The following SHANK2 variants were observed in gnomAD, a reference collection of about 807,000 sequenced individuals.
SHANK2 encodes the protein SH3 and multiple ankyrin repeat domains 2, also known as SH3 and multiple ankyrin repeat domains protein 2.
SHANK2 carries 43 observed loss-of-function variants against 133.7 expected under a neutral mutation model. The observed-to-expected ratio is 0.32, with a 90% CI of 0.25 to 0.41. The LOEUF (loss-of-function observed/expected upper bound fraction) is 0.41. Ranked by LOEUF, SHANK2 falls within the 10% of genes least tolerant of loss-of-function variation. SHANK2 has a pLI of 1.00. For missense variants in SHANK2, 1,994 were observed against 2,235.8 expected, an observed-to-expected ratio of 0.89 and a Z score of 2.18; for synonymous variants, 1,017 against 952.8, an observed-to-expected ratio of 1.07 and a Z score of -1.24.
intron 1 of SHANK2, among the ~76,000 whole-genome samples, chr11:71,241,940 T>C (rs1323066045): frequency 8.5e-5 from 13 of 152,158 alleles, no homozygotes; most frequent in Admixed American, 3.3e-4. Context: ...TGCACAACCA[T>C]GTTCGCAGTA....
At chr11:70,636,503 G>A (rs1411075620) in intron 17 of SHANK2, among the ~76,000 whole-genome samples, 5 of 151,738 alleles carry the variant, frequency 3.3e-5, no homozygotes, top group Non-Finnish European at 2.9e-5. Context: ...ACATATGTAC[G>A]AGGATGCATG....
intron 8 of SHANK2, among the ~76,000 whole-genome samples, chr11:71,088,099 T>C (rs1285837645): frequency 2.0e-5 from 3 of 152,126 alleles, no homozygotes; most frequent in Non-Finnish European, 2.9e-5. Flanking sequence ...ATAATGTGGG[T>C]GGGCCCCATC....
At chr11:70,567,483 C>T (rs992148017) in intron 17 of SHANK2, among the ~76,000 whole-genome samples, 5 of 151,970 alleles carry the variant, frequency 3.3e-5, no homozygotes, top group East Asian at 1.9e-4. Flanking sequence ...AAAAATTAGC[C>T]GGGTGTGGTG....
intron 17 of SHANK2, among the ~76,000 whole-genome samples, chr11:70,648,706 C>G (rs138812882): frequency 2.0e-5 from 3 of 152,238 alleles, no homozygotes; most frequent in African/African-American, 7.2e-5. Flanking sequence ...TAAATGAATC[C>G]ACCCCTCCAC....
intron 7 of SHANK2, among the ~76,000 whole-genome samples, chr11:71,093,515 G>A (rs781874895): frequency 6.6e-6 from 1 of 152,070 alleles, no homozygotes; most frequent in African/African-American, 2.4e-5. Context: ...ACTCAGTGCT[G>A]CTTTCGTGAT....
chr11:70,685,204 A>C (rs991172392), intron 15 of SHANK2, among the ~76,000 whole-genome samples: 2 of 151,920 alleles, frequency 1.3e-5, no homozygotes, highest in Admixed American at 1.3e-4. Flanking sequence ...GGAAAGAAAA[A>C]AGCTCCCAAC....
intron 14 of SHANK2, among the ~76,000 whole-genome samples, chr11:70,715,690 A>T (rs1555027089): frequency 6.6e-6 from 1 of 152,240 alleles, no homozygotes; most frequent in Non-Finnish European, 1.5e-5. Flanking sequence ...ATTAGAGTAA[A>T]TGGATGAATC....
At chr11:71,157,173 C>T (rs1268122299) in intron 2 of SHANK2, among the ~76,000 whole-genome samples, 4 of 152,174 alleles carry the variant, frequency 2.6e-5, no homozygotes, top group Non-Finnish European at 5.9e-5. Flanking sequence ...AGGAACTCTG[C>T]AATGGTTCTC....
intron 8 of SHANK2, among the ~76,000 whole-genome samples, chr11:71,085,896 ATATTAATT>A (rs1951394255): frequency 6.1e-5 from 2 of 33,026 alleles, no homozygotes; most frequent in Admixed American, 6.7e-4. Context: ...CTTAATATAT[ATATTAATT>A]ATATATTAAT....
At chr11:70,666,028 C>T (rs1555014776) in intron 15 of SHANK2, among the ~76,000 whole-genome samples, 1 of 152,082 alleles carries the variant, frequency 6.6e-6, no homozygotes, top group Non-Finnish European at 1.5e-5. Flanking sequence ...AGAGGGGATG[C>T]AAAATGGGTA....
chr11:71,170,267 G>C (rs35520306), intron 2 of SHANK2, among the ~76,000 whole-genome samples: 15,866 of 152,064 alleles, frequency 0.1, 1,059 homozygotes, highest in Non-Finnish European at 0.14. Flanking sequence ...ACTCTCAATG[G>C]AACACAGATT....
At chr11:70,898,178 G>A (rs1344705451) in intron 10 of SHANK2, among the ~76,000 whole-genome samples, 2 of 150,656 alleles carry the variant, frequency 1.3e-5, no homozygotes, top group South Asian at 2.1e-4. Flanking sequence ...CACCATGTTG[G>A]CCAGGATGGT....
intron 11 of SHANK2, chr11:70,864,054 C>A (rs1008849563): frequency 5.8e-6 from 2 of 343,088 alleles, no homozygotes; most frequent in African/African-American, 2.2e-5. Flanking sequence ...ACGACCTGGG[C>A]ACCTTGCAAG....
rs782574580 is a variant in SHANK2 at position 71,147,266 on chromosome 11, C to T, written c.61G>A (p.Val21Met). ...EMAQSFSDYS[V>M]GSESDSSKEE... is the part of the protein sequence containing the mutation. ...TTGGAGCTGTCTGACTCCGACCCCA[C>T]GGAGTAGTCGGAGAAGCTCTGGGCC... is the stretch of plus-strand genomic sequence containing the variant. The change falls in exon 3 of 26, where the codon GTG becomes ATG. Residue 21 changes from valine (V) to methionine (M), a missense_variant. Physicochemically the swap from Val to Met is conservative, Grantham distance 21. Transcript: ENST00000601538. 29 of 1,550,860 alleles carry T rather than the reference C, an allele frequency of 1.9e-5. No individual in the cohort carries two copies. The highest frequency in any genetic ancestry group is 4.1e-5 in the African/African-American group (3 of 73,056).
At chr11:70,801,332 A>G (rs1948040926) in intron 13 of SHANK2, among the ~76,000 whole-genome samples, 1 of 152,200 alleles carries the variant, frequency 6.6e-6, no homozygotes, top group Non-Finnish European at 1.5e-5. Flanking sequence ...CAACACGGGG[A>G]GCCTTCATGT....
intron 17 of SHANK2, among the ~76,000 whole-genome samples, chr11:70,548,060 G>A (rs545476526): frequency 6.6e-6 from 1 of 152,368 alleles, no homozygotes; most frequent in South Asian, 2.1e-4. Flanking sequence ...CAAAGGAGGC[G>A]CTGACATATG....
chr11:71,124,954 T>A (rs1555102391), intron 3 of SHANK2, among the ~76,000 whole-genome samples: 1 of 152,226 alleles, frequency 6.6e-6, no homozygotes, highest in Non-Finnish European at 1.5e-5. Flanking sequence ...TTTTCATAAT[T>A]ATTATATCTG....
intron 17 of SHANK2, among the ~76,000 whole-genome samples, chr11:70,635,894 C>T (rs781852045): frequency 1.3e-5 from 2 of 152,236 alleles, no homozygotes; most frequent in South Asian, 2.1e-4. Flanking sequence ...TCCCCATTGC[C>T]CTAGGCCTTG....
intron 24 of SHANK2, chr11:70,488,866 CCT>C (rs1312245920): frequency 2.2e-5 from 4 of 182,314 alleles, no homozygotes; most frequent in Non-Finnish European, 3.5e-5. Flanking sequence ...AGCAGGGTGG[CCT>C]GAGGGTTCTC....
Sources: allele counts gnomAD v4.1 joint callset (sites outside exome capture counted in the v4.1 genomes callset), GRCh38; gene constraint gnomAD v4.1.1; transcripts MANE v1.5; gene names NCBI Gene and HGNC (gene_info 2026-07-23, HGNC 2026-07-21).